MCUR1: variants seen among roughly 807,000 people sequenced by gnomAD.
The protein encoded by MCUR1 is mitochondrial calcium uniporter regulator 1.
MCUR1 carries 37 observed loss-of-function variants against 42.0 expected under a neutral mutation model. That is an observed-to-expected ratio of 0.88 (90% CI 0.68 to 1.16). The LOEUF (loss-of-function observed/expected upper bound fraction) is 1.16. Among genes scored for constraint, MCUR1 ranks in the 50% most tolerant of loss-of-function variants. MCUR1 has a pLI of 0.00. For missense variants in MCUR1, 469 were observed against 468.4 expected (o/e 1.00, Z -0.01); for synonymous variants, 229 against 196.2 (o/e 1.17, Z -1.40).
Position 13,797,337 on chromosome 6 carries a change from A to G in MCUR1, c.855+1496T>C, listed in dbSNP as rs528222747. On this transcript the variant is annotated intron_variant, in intron 6 of 8. Transcript: ENST00000379170. ...GCACCTGATGTTACCAAATTCAAATAAAGTCTGAGCAAGAAGACGGCTGAA... is the reference window on the plus strand; with the variant it reads ...GCACCTGATGTTACCAAATTCAAATGAAGTCTGAGCAAGAAGACGGCTGAA... Among the ~76,000 whole-genome samples, 8 of 152,296 alleles carry G rather than the reference A, an allele frequency of 5.3e-5. No individual in the cohort carries two copies. The South Asian group carries it at 1.7e-3, about 32-fold the overall frequency.
At chr6:13,798,160 A>G (rs1418373630) in intron 6 of MCUR1, among the ~76,000 whole-genome samples, 4 of 151,670 alleles carry the variant, frequency 2.6e-5, no homozygotes, top group Non-Finnish European at 5.9e-5. Flanking sequence ...CAGTGGCACA[A>G]TCTCAGCTCA....
chr6:13,814,500 G>A lies in MCUR1; in HGVS notation c.-71C>T, dbSNP rs538842383. 1.3e-4 allele frequency: 182 copies of A among 1,360,308 alleles called. No homozygotes were observed. The East Asian group carries it at 4.6e-3, about 35-fold the overall frequency. The allele number at this position is 1,360,308 out of a possible 1,614,324, so 84.3% of individuals were successfully genotyped here. A position where few individuals can be genotyped will look rare whatever the true frequency, so the allele number is the denominator to read the frequency against. On this transcript the variant is annotated 5_prime_UTR_variant, in exon 1 of 9. Transcript: ENST00000379170. ...TTTGGCGCCGGCCACGCGCGGTCCA[G>A]GCCCAGAGTCCGACAGCGGGAGCGA...
At chr6:13,809,551 G>C (rs996940464) in intron 1 of MCUR1, among the ~76,000 whole-genome samples, 1 of 151,852 alleles carries the variant, frequency 6.6e-6, no homozygotes, top group African/African-American at 2.4e-5. Context: ...AGGTGGTATA[G>C]TATATGGTAC....
intron 1 of MCUR1, among the ~76,000 whole-genome samples, chr6:13,810,003 G>A (rs114844001): frequency 2.4e-3 from 360 of 152,180 alleles, no homozygotes; most frequent in Non-Finnish European, 4.0e-3. Flanking sequence ...AGGCATTCAC[G>A]ATCAGCCTGG....
rs1760303563 is a variant in MCUR1 at position 13,814,085 on chromosome 6, G to A, written c.345C>T (p.Gly115=). The A allele has an allele frequency of 3.2e-6, 4 of 1,238,556 alleles. No homozygotes were observed. In the South Asian group the frequency reaches 1.2e-4, roughly 37 times the overall value. The allele number at this position is 1,238,556 out of a possible 1,614,324, so 76.7% of individuals were successfully genotyped here. Residue 115 remains glycine (G), a synonymous_variant, in exon 1 of 9, where the codon GGC becomes GGT. Transcript: ENST00000379170. ...GAAGGGCGCCGGCGGCAGCGGCGAC[G>A]CCCGGTGAGCACCTCCACGCGCTGC... is the stretch of plus-strand genomic sequence containing the variant. The part of the protein sequence containing the change: ...GRSSAWRCSP[G]VAAAAGALPQ...
chr6:13,801,881 C>A (rs1248951053), intron 3 of MCUR1, among the ~76,000 whole-genome samples: 1 of 151,940 alleles, frequency 6.6e-6, no homozygotes, highest in Non-Finnish European at 1.5e-5. Context: ...CACAAAAAAA[C>A]AAAAACCACA....
At chr6:13,804,752 T>C (rs955046648) in intron 2 of MCUR1, among the ~76,000 whole-genome samples, 3 of 136,536 alleles carry the variant, frequency 2.2e-5, no homozygotes, top group Non-Finnish European at 3.0e-5. Context: ...ATTGTGCCAC[T>C]GTACTCCAGC....
chr6:13,805,029 T>C (rs1465762704), intron 2 of MCUR1, among the ~76,000 whole-genome samples: 1 of 152,126 alleles, frequency 6.6e-6, no homozygotes, highest in Non-Finnish European at 1.5e-5. Context: ...AACTCATCCA[T>C]GTTGGATTGA....
intron 7 of MCUR1, among the ~76,000 whole-genome samples, chr6:13,792,200 GAA>G (rs560858519): frequency 1.1e-3 from 164 of 152,204 alleles, no homozygotes; most frequent in African/African-American, 3.8e-3. Context: ...TCTTCTATTT[GAA>G]AAAATGAAAA....
At chr6:13,801,447 T>C in intron 3 of MCUR1, 58 bp from the exon 4 acceptor site, 1 of 1,185,850 alleles carries the variant, frequency 8.4e-7, no homozygotes, top group African/African-American at 1.5e-5. Context: ...CCACTTCCTA[T>C]CATCTCAATG....
rs1414814939 is a variant in MCUR1, at chr6:13,789,885, A to C, written c.*924T>G. 1 of 152,182 alleles carries C rather than the reference A, an allele frequency of 6.6e-6. No homozygotes were observed. The highest frequency in any genetic ancestry group is 1.9e-4 in the East Asian group (1 of 5,192). The allele number at this position is 152,182 out of a possible 1,614,324, so 9.4% of individuals were successfully genotyped here. A position where few individuals can be genotyped will look rare whatever the true frequency, so the allele number is the denominator to read the frequency against. On this transcript the variant is annotated 3_prime_UTR_variant, in exon 9 of 9. Transcript: ENST00000379170. ...GGTAAGAGTCCCCATTACAATTGCA[A>C]TGCTTCTTTAGACAGCTGATTTTTC...
intron 2 of MCUR1, among the ~76,000 whole-genome samples, 156 bp downstream of exon 2, chr6:13,806,769 A>G (rs1760119942): frequency 6.6e-6 from 1 of 152,162 alleles, no homozygotes; most frequent in Admixed American, 6.5e-5. Context: ...AGCCTGGGTG[A>G]CAGAGCCAGA....
At position 13,802,284 on chromosome 6, in the gene MCUR1, T is replaced by C; in HGVS notation, c.598A>G (p.Met200Val). Reference protein sequence around the residue: ...SALVKILEANMDIVYKDMVTK... With the variant: ...SALVKILEANVDIVYKDMVTK... ...ACCATATCTTTGTAGACGATGTCCA[T>C]GTTGGCCTCCAGGATCTTGACCAAT... The change falls in exon 3 of 9, where the codon ATG becomes GTG. Residue 200 changes from methionine (M) to valine (V), a missense_variant. By Grantham distance (21) the Met-to-Val change is conservative. Transcript: ENST00000379170. 1 of 1,613,946 alleles carries C rather than the reference T, an allele frequency of 6.2e-7. No individual in the cohort carries two copies. The highest frequency in any genetic ancestry group is 8.5e-7 in the Non-Finnish European group (1 of 1,179,868).
In MCUR1 at chr6:13,788,482, G is replaced by A. The variant is rs984272686; in HGVS notation, c.*2327C>T. 2.0e-5 allele frequency: 3 copies of A among 152,114 alleles called. No homozygotes were observed. Among genetic ancestry groups the A allele is most frequent in the Non-Finnish European group, 2.9e-5 (2 of 68,028 alleles). The allele number at this position is 152,114 out of a possible 1,614,324, so 9.4% of individuals were successfully genotyped here. A position where few individuals can be genotyped will look rare whatever the true frequency, so the allele number is the denominator to read the frequency against. On this transcript the variant is annotated 3_prime_UTR_variant, in exon 9 of 9. Coordinates refer to ENST00000379170, the MANE Select transcript of MCUR1 (RefSeq NM_001031713.4). ...GCAGCCCGCTCTCACCAGGAAGAAC[G>A]ACATGTGAGAAAACTTATAGCAGAT...
chr6:13,796,412 C>T (rs756258805), intron 6 of MCUR1, among the ~76,000 whole-genome samples: 2 of 151,710 alleles, frequency 1.3e-5, no homozygotes, highest in Non-Finnish European at 1.5e-5. Context: ...CTCAGTCTCC[C>T]GAGTAGCTGA....
At chr6:13,813,975 C>G in intron 1 of MCUR1, 40 bp downstream of exon 1, 2 of 1,228,046 alleles carry the variant, frequency 1.6e-6, no homozygotes, top group South Asian at 4.2e-5. Context: ...CGTCCAACCC[C>G]GCGAGACGAG....
At chr6:13,798,705 C>A (rs1199819652) in intron 6 of MCUR1, 128 bp downstream of exon 6, 4 of 515,442 alleles carry the variant, frequency 7.8e-6, no homozygotes, top group Non-Finnish European at 1.3e-5. Flanking sequence ...AGAGAAAATA[C>A]AGCCTAACAC....
At chr6:13,793,852 A>G in intron 7 of MCUR1, 42 bp downstream of exon 7, 2 of 1,545,412 alleles carry the variant, frequency 1.3e-6, no homozygotes, top group South Asian at 1.1e-5. Flanking sequence ...CGAAGCAAAG[A>G]TGAGTACAAA....
intron 6 of MCUR1, among the ~76,000 whole-genome samples, chr6:13,795,413 T>C (rs1759834892): frequency 6.6e-6 from 1 of 152,220 alleles, no homozygotes; most frequent in Admixed American, 6.5e-5. Flanking sequence ...TGTAGCTCTA[T>C]ATCCCCATGC....
Sources: allele counts gnomAD v4.1 joint callset (sites outside exome capture counted in the v4.1 genomes callset), GRCh38; gene constraint gnomAD v4.1.1; transcripts MANE v1.5; gene names NCBI Gene and HGNC (gene_info 2026-07-23, HGNC 2026-07-21).